Variants in PSD3 observed in about 807,000 individuals in gnomAD.
PSD3 encodes pleckstrin and Sec7 domain containing 3.
A neutral mutation model predicts 105.5 loss-of-function variants in PSD3; 49 were observed. The observed-to-expected ratio is 0.46, with a 90% CI of 0.37 to 0.59. PSD3 has a LOEUF of 0.59. PSD3 is among the 20% of genes least tolerant of loss of function. The pLI is 0.00. For synonymous variants in PSD3, 557 were observed against 457.8 expected (o/e 1.22, Z -2.77); for missense variants, 1,561 against 1,263.8 (o/e 1.24, Z -3.57).
intron 1 of PSD3, among the ~76,000 whole-genome samples, chr8:19,052,336 G>C (rs948057761): frequency 1.3e-5 from 2 of 152,006 alleles, no homozygotes; most frequent in Admixed American, 1.3e-4. Context: ...GCCAGGTGTG[G>C]TGACATGCGC....
In PSD3 at chr8:18,610,270, T is replaced by C. The variant is rs191637672; in HGVS notation, c.2411-9836A>G. Reference sequence around the variant, plus strand: ...ATGAACTGCAACCTAACTTAATAGGTAGACAAGATTGAAAACCTAACTTAG... The same window carrying C: ...ATGAACTGCAACCTAACTTAATAGGCAGACAAGATTGAAAACCTAACTTAG... On this transcript the variant is annotated intron_variant, in intron 11 of 15. Coordinates refer to ENST00000327040, the MANE Select transcript of PSD3 (RefSeq NM_015310.4). Among the ~76,000 whole-genome samples the C allele has an allele frequency of 8.3e-3, 1,265 of 152,310 alleles. 17 individuals carry two copies. Among genetic ancestry groups the C allele is most frequent in the African/African-American group, 0.028 (1,155 of 41,550 alleles).
At chr8:18,669,334 GT>G (rs950788691) in intron 9 of PSD3, among the ~76,000 whole-genome samples, 1 of 152,156 alleles carries the variant, frequency 6.6e-6, no homozygotes, top group Non-Finnish European at 1.5e-5. Context: ...TATATTGTAT[GT>G]TTTTTTCCTA....
chr8:18,923,982 A>T (rs577352028), intron 2 of PSD3, among the ~76,000 whole-genome samples: 1 of 150,394 alleles, frequency 6.6e-6, no homozygotes, highest in Non-Finnish European at 1.5e-5. Flanking sequence ...AACACTGAAC[A>T]GACAGTAGAA....
intron 4 of PSD3, among the ~76,000 whole-genome samples, chr8:18,841,455 G>A (rs1814617534): frequency 7.6e-6 from 1 of 132,268 alleles, no homozygotes; most frequent in Non-Finnish European, 1.6e-5. Context: ...TTTTAAGAGT[G>A]TCTGCTATTT....
intron 1 of PSD3, among the ~76,000 whole-genome samples, chr8:19,069,661 G>A (rs927655328): frequency 6.6e-6 from 1 of 152,148 alleles, no homozygotes; most frequent in Non-Finnish European, 1.5e-5. Flanking sequence ...TAAGGGCTTC[G>A]AATCTTTTGT....
chr8:18,836,952 G>GC (rs1350537357), intron 4 of PSD3, among the ~76,000 whole-genome samples: 7 of 137,374 alleles, frequency 5.1e-5, no homozygotes, highest in East Asian at 2.1e-4. Flanking sequence ...TTTCTTACGT[G>GC]TTTTTTTTTT....
At chr8:18,703,118 A>C (rs1418951694) in intron 9 of PSD3, among the ~76,000 whole-genome samples, 2 of 152,158 alleles carry the variant, frequency 1.3e-5, no homozygotes, top group Admixed American at 6.5e-5. Flanking sequence ...GAAATGTCTT[A>C]ACTTTTTGGT....
chr8:18,898,393 T>C (rs1224489605), intron 2 of PSD3, among the ~76,000 whole-genome samples: 1 of 152,210 alleles, frequency 6.6e-6, no homozygotes, highest in Admixed American at 6.5e-5. Flanking sequence ...ACTTAAAGTC[T>C]GTTTTATCTG....
chr8:19,075,714 T>A (rs1370017029), intron 1 of PSD3, among the ~76,000 whole-genome samples: 1 of 152,220 alleles, frequency 6.6e-6, no homozygotes, highest in Admixed American at 6.5e-5. Flanking sequence ...AGGCTTGCAG[T>A]GACTAAAGTA....
rs5889826 is a variant in PSD3, at chr8:18,821,176, CT to C, written c.1635-16279del. 1.0e-3 allele frequency among the ~76,000 whole-genome samples: 154 copies of C among 147,344 alleles called. 1 individual carries two copies. Among genetic ancestry groups the C allele is most frequent in the East Asian group, 7.9e-3 (39 of 4,962 alleles). On this transcript the variant is annotated intron_variant, in intron 4 of 15. Coordinates refer to ENST00000327040, the MANE Select transcript of PSD3 (RefSeq NM_015310.4). The stretch of plus-strand genomic sequence containing the variant: ...GGGCAAAACAAGGTATTTTGAAATT[CT>C]TTTTTTTTTTTGACATTTAATTCTA...
intron 1 of PSD3, among the ~76,000 whole-genome samples, chr8:19,007,743 GCAT>G (rs1434379498): frequency 1.3e-5 from 2 of 149,602 alleles, no homozygotes; most frequent in Admixed American, 1.3e-4. Context: ...TAAATCAACA[GCAT>G]AATAATATCT....
At position 18,710,795 on chromosome 8, in the gene PSD3, C is replaced by T. The variant is rs568725573; in HGVS notation, c.2172+54654G>A. 9.7e-4 allele frequency among the ~76,000 whole-genome samples: 147 copies of T among 152,188 alleles called. 1 individual carries two copies. The highest frequency in any genetic ancestry group is 3.4e-3 in the Middle Eastern group (1 of 294). On this transcript the variant is annotated intron_variant, in intron 9 of 15. Transcript: ENST00000327040. ...CTCCCAGGTTCAAGTGATTCTTCTG[C>T]CTCAGCTTCCTGAGTAGCTGGGATT... is the stretch of plus-strand genomic sequence containing the variant.
intron 1 of PSD3, among the ~76,000 whole-genome samples, chr8:19,048,795 T>C (rs1186142675): frequency 2.0e-5 from 3 of 152,210 alleles, no homozygotes; most frequent in Non-Finnish European, 2.9e-5. Flanking sequence ...CTCCTTAGGT[T>C]CTGTATTTGT....
rs1025509737 is a variant in PSD3, at chr8:18,533,875, A to G, written c.*1868T>C. 1.3e-5 allele frequency: 2 copies of G among 151,914 alleles called. No homozygotes were observed. The highest frequency in any genetic ancestry group is 2.4e-5 in the African/African-American group (1 of 41,384). 9.4% of individuals were successfully genotyped at this position (151,914 alleles called of 1,614,324 possible). On this transcript the variant is annotated 3_prime_UTR_variant, in exon 16 of 16. Coordinates refer to ENST00000327040, the MANE Select transcript of PSD3 (RefSeq NM_015310.4). ...TTTGTTTTGCAGTTCTGAAACATAA[A>G]CTTAGTTACTGCCTTTACCCAAACA...
intron 9 of PSD3, among the ~76,000 whole-genome samples, chr8:18,678,921 T>C (rs181602940): frequency 7.6e-4 from 108 of 142,576 alleles, no homozygotes; most frequent in African/African-American, 2.6e-3. Context: ...CTCTTGAAAA[T>C]GTATATATGC....
At chr8:18,609,308 T>C (rs1245291720) in intron 11 of PSD3, among the ~76,000 whole-genome samples, 1 of 152,148 alleles carries the variant, frequency 6.6e-6, no homozygotes, top group Non-Finnish European at 1.5e-5. Flanking sequence ...AAGAAACAGG[T>C]ATGTGGGGAT....
intron 9 of PSD3, among the ~76,000 whole-genome samples, chr8:18,721,603 T>C (rs1447220232): frequency 6.6e-6 from 1 of 152,214 alleles, no homozygotes; most frequent in Non-Finnish European, 1.5e-5. Context: ...CATGAAGCTG[T>C]GTAACAACAA....
At chr8:18,907,123 T>C (rs147143135) in intron 2 of PSD3, among the ~76,000 whole-genome samples, 1 of 152,218 alleles carries the variant, frequency 6.6e-6, no homozygotes, top group African/African-American at 2.4e-5. Context: ...ATAGTTACAG[T>C]AATCTAAGGT....
rs79677602 is a variant in PSD3 at position 19,057,542 on chromosome 8, C to A, written c.324+26664G>T. 8.9e-3 allele frequency among the ~76,000 whole-genome samples: 1,352 copies of A among 152,232 alleles called. 17 individuals are homozygous for A. The highest frequency in any genetic ancestry group is 0.031 in the African/African-American group (1,297 of 41,534). On this transcript the variant is annotated intron_variant, in intron 1 of 1. Coordinates refer to the PSD3 transcript ENST00000521475. ...CCAGTTGTTAAATATTGAAATATTT[C>A]ATACTGGTTGTAAATAGTTACCATC...
Sources: allele counts gnomAD v4.1 joint callset (sites outside exome capture counted in the v4.1 genomes callset), GRCh38; gene constraint gnomAD v4.1.1; transcripts MANE v1.5; gene names NCBI Gene and HGNC (gene_info 2026-07-23, HGNC 2026-07-21).